The following UBR1 variants were observed in gnomAD, a reference collection of about 807,000 sequenced individuals.
The protein encoded by UBR1 is E3 ubiquitin-protein ligase UBR1.
Under a neutral mutation model 242.1 loss-of-function variants are expected in UBR1, and 102 were observed. The ratio of observed to expected loss-of-function variants is 0.42; its 90% CI spans 0.36 to 0.50. UBR1 has a LOEUF of 0.50. Ranked by LOEUF, UBR1 falls within the 20% of genes least tolerant of loss-of-function variation. The probability of loss-of-function intolerance (pLI) is 0.01; values close to 1 mark genes in which losing one functional copy is unlikely to be tolerated. For synonymous variants in UBR1, 675 were observed against 684.8 expected (o/e 0.99, Z 0.22); for missense variants, 1,772 against 2,101.8 (o/e 0.84, Z 3.07).
chr15:43,038,464 C>T (rs925207468), intron 15 of UBR1, among the ~76,000 whole-genome samples: 8 of 151,984 alleles, frequency 5.3e-5, no homozygotes, highest in African/African-American at 4.8e-5. Flanking sequence ...AAAAATTAGC[C>T]GGGCCTGTAA....
chr15:42,945,173 A>G lies in UBR1; in HGVS notation c.*156T>C. ...AGCATATGTTTGCTAATTGAAAGCA[A>G]TACTCCATTAAGAAATATTTTATTG... On this transcript the variant is annotated 3_prime_UTR_variant, in exon 47 of 47. Transcript: ENST00000290650. 1 of 972,870 alleles carries G rather than the reference A, an allele frequency of 1.0e-6. No individual in the cohort carries two copies. Among genetic ancestry groups the G allele is most frequent in the Non-Finnish European group, 1.6e-6 (1 of 639,588 alleles). 60.3% of individuals were successfully genotyped at this position (972,870 alleles called of 1,614,324 possible). A position where few individuals can be genotyped will look rare whatever the true frequency, so the allele number is the denominator to read the frequency against.
Position 42,969,185 on chromosome 15 carries a change from T to G in UBR1, c.4457+1335A>C, listed in dbSNP as rs566067571. On this transcript the variant is annotated intron_variant, in intron 40 of 46. Transcript: ENST00000290650. ...CACATCCTCTCCAGCACCTGTTGTT[T>G]CCTGACTTTTTAATGATTGCCATTC... Among the ~76,000 whole-genome samples the G allele has an allele frequency of 7.2e-5, 11 of 152,314 alleles. No homozygotes were observed. The South Asian group carries it at 2.3e-3, about 32-fold the overall frequency.
At chr15:42,996,155 T>A (rs2032635062) in intron 33 of UBR1, among the ~76,000 whole-genome samples, 1 of 152,224 alleles carries the variant, frequency 6.6e-6, no homozygotes, top group Admixed American at 6.5e-5. Flanking sequence ...CTTCAGCCCC[T>A]ACTGATCAAT....
intron 9 of UBR1, 68 bp downstream of exon 9, chr15:43,059,014 TTAC>T: frequency 1.7e-6 from 2 of 1,172,706 alleles, no homozygotes; most frequent in Non-Finnish European, 2.6e-6. Context: ...ACAAAAGATA[TTAC>T]AGCTCCACTT....
At chr15:43,058,268 T>A (rs527989863) in intron 10 of UBR1, 73 bp downstream of exon 10, 1 of 984,536 alleles carries the variant, frequency 1.0e-6, no homozygotes, top group Non-Finnish European at 1.6e-6. Flanking sequence ...TTCATAATTA[T>A]CCCTGTTTCT....
rs561728708 is a variant in UBR1 at position 42,973,773 on chromosome 15, A to G, written c.4369+2944T>C. On this transcript the variant is annotated intron_variant, in intron 39 of 46. Coordinates refer to ENST00000290650, the MANE Select transcript of UBR1 (RefSeq NM_174916.3). ...TGCATAAGTTTTTAATTTTATTATAATGAAGTCCAGCCTATCAATTATTTC... is the reference window on the plus strand; with the variant it reads ...TGCATAAGTTTTTAATTTTATTATAGTGAAGTCCAGCCTATCAATTATTTC... Among the ~76,000 whole-genome samples the G allele has an allele frequency of 2.1e-4, 32 of 152,146 alleles. No individual in the cohort carries two copies. The South Asian group carries it at 6.2e-3, about 30-fold the overall frequency.
chr15:42,950,247 TA>T lies in UBR1; in HGVS notation c.5108+14del, dbSNP rs767865080. On this transcript the variant is annotated intron_variant, in intron 46 of 46. Transcript: ENST00000290650. Reference sequence around the variant, plus strand: ...AACTTACTGAAACCTTCCTATTATATAAAAAAAATCTTACTTCAGGCCAGGG... The same window carrying T: ...AACTTACTGAAACCTTCCTATTATATAAAAAAATCTTACTTCAGGCCAGGG... 5.6e-6 allele frequency: 9 copies of T among 1,606,168 alleles called. No homozygotes were observed. The highest frequency in any genetic ancestry group is 4.4e-5 in the South Asian group (4 of 90,908).
chr15:42,955,388 A>C (rs2031901791), intron 44 of UBR1, among the ~76,000 whole-genome samples: 1 of 152,236 alleles, frequency 6.6e-6, no homozygotes, highest in African/African-American at 2.4e-5. Flanking sequence ...TGGCTGCTGC[A>C]TAATGCTTAG....
rs902676012 is a variant in UBR1, at chr15:42,980,532, A to T, written c.4151-2585T>A. 4.6e-5 allele frequency among the ~76,000 whole-genome samples: 7 copies of T among 152,306 alleles called. No individual in the cohort carries two copies. In the South Asian group the frequency reaches 1.5e-3, roughly 32 times the overall value. ...GGTGACTAGAAATTAGATTTTATTT[A>T]AAAATTCTAGGACAAGGCATAGCAC... On this transcript the variant is annotated intron_variant, in intron 37 of 46. Coordinates refer to ENST00000290650, the MANE Select transcript of UBR1 (RefSeq NM_174916.3).
chr15:43,025,407 CT>C lies in UBR1; in HGVS notation c.2557del (p.Arg853GlyfsTer26). 6.2e-7 allele frequency: 1 copy of C among 1,608,516 alleles called. No homozygotes were observed. The highest frequency in any genetic ancestry group is 8.5e-7 in the Non-Finnish European group (1 of 1,177,342). ...HSKAEHMQKK[R>X]RKQENKDEAL... ...TTCATCTTTGTTTTCTTGTTTTCTC[CT>C]TTTCTTCTGCATATGTTCAGCCTAT... On this transcript the variant is annotated frameshift_variant, in exon 24 of 47. Coordinates refer to ENST00000290650, the MANE Select transcript of UBR1 (RefSeq NM_174916.3). LOFTEE classifies it high-confidence loss of function.
intron 46 of UBR1, among the ~76,000 whole-genome samples, chr15:42,948,308 G>A (rs1172832938): frequency 6.6e-6 from 1 of 151,948 alleles, no homozygotes; most frequent in Non-Finnish European, 1.5e-5. Flanking sequence ...TTAAACGTTA[G>A]ACCTAAAACC....
chr15:43,087,725 T>C (rs2034054929), intron 1 of UBR1, among the ~76,000 whole-genome samples: 2 of 152,202 alleles, frequency 1.3e-5, no homozygotes, highest in Non-Finnish European at 2.9e-5. Context: ...ATTCCTCTGA[T>C]AAACATGTAA....
rs187256725 is a variant in UBR1 at position 42,988,569 on chromosome 15, A to G, written c.3997+250T>C. On this transcript the variant is annotated intron_variant, in intron 35 of 46. Transcript: ENST00000290650. ...AAGCTCAGCCTCCCAGGCATAATCC[A>G]CCGTGCCCAGCTTTTTAAAAATATT... 6 of 466,276 alleles carry G rather than the reference A, an allele frequency of 1.3e-5. No individual in the cohort carries two copies. The East Asian group carries it at 2.6e-4, about 20-fold the overall frequency. The allele number at this position is 466,276 out of a possible 1,614,324, so 28.9% of individuals were successfully genotyped here. A position where few individuals can be genotyped will look rare whatever the true frequency, so the allele number is the denominator to read the frequency against.
rs528181173 is a variant in UBR1, at chr15:43,060,031, C to T, written c.861+21G>A. On this transcript the variant is annotated intron_variant, in intron 7 of 46. Coordinates refer to ENST00000290650, the MANE Select transcript of UBR1 (RefSeq NM_174916.3). ...ACATTCATCTTTAACTTCTCTTTTTCCCCCTAATTCAGAAAGTTACCTTTA... is the reference window on the plus strand; with the variant it reads ...ACATTCATCTTTAACTTCTCTTTTTTCCCCTAATTCAGAAAGTTACCTTTA... 2.7e-5 allele frequency: 44 copies of T among 1,612,722 alleles called. No homozygotes were observed. In the African/African-American group the frequency reaches 4.5e-4, roughly 17 times the overall value.
intron 5 of UBR1, among the ~76,000 whole-genome samples, chr15:43,069,381 A>C (rs919899026): frequency 1.3e-4 from 19 of 150,540 alleles, no homozygotes; most frequent in African/African-American, 4.4e-4. Flanking sequence ...GGTTCACGCC[A>C]TTCTCATGCC....
At chr15:42,992,907 T>C (rs910658887) in intron 33 of UBR1, among the ~76,000 whole-genome samples, 16 of 152,232 alleles carry the variant, frequency 1.1e-4, no homozygotes, top group African/African-American at 3.9e-4. Context: ...TTGTACTCTT[T>C]GGAACACAGG....
At chr15:43,011,544 G>C (rs2032923530) in intron 29 of UBR1, among the ~76,000 whole-genome samples, 1 of 152,170 alleles carries the variant, frequency 6.6e-6, no homozygotes, top group Admixed American at 6.5e-5. Context: ...GCTCAACCTA[G>C]TACTAAATAG....
intron 43 of UBR1, among the ~76,000 whole-genome samples, chr15:42,958,992 A>G (rs533448624): frequency 6.6e-6 from 1 of 150,776 alleles, no homozygotes; most frequent in South Asian, 2.1e-4. Flanking sequence ...CACCATGCCC[A>G]GCTATTTTTT....
chr15:43,066,513 T>C (rs986131703), intron 6 of UBR1, among the ~76,000 whole-genome samples: 1 of 152,224 alleles, frequency 6.6e-6, no homozygotes, highest in Non-Finnish European at 1.5e-5. Flanking sequence ...TTAATGGTAG[T>C]TTAATGGGAA....
Sources: allele counts gnomAD v4.1 joint callset (sites outside exome capture counted in the v4.1 genomes callset), GRCh38; gene constraint gnomAD v4.1.1; transcripts MANE v1.5; gene names NCBI Gene and HGNC (gene_info 2026-07-23, HGNC 2026-07-21).